Variants in DIS3L2 observed in about 807,000 individuals in gnomAD.
DIS3L2 encodes DIS3 like 3'-5' exoribonuclease 2, also known as DIS3-like exonuclease 2.
Under a neutral mutation model 97.5 loss-of-function variants are expected in DIS3L2, and 34 were observed. That is an observed-to-expected ratio of 0.35 (90% CI 0.27 to 0.46). The LOEUF (loss-of-function observed/expected upper bound fraction) is 0.46. Ranked by LOEUF, DIS3L2 falls within the 20% of genes least tolerant of loss-of-function variation. The pLI is 1.00. For synonymous variants in DIS3L2, 435 were observed against 445.2 expected, an observed-to-expected ratio of 0.98 and a Z score of 0.29; for missense variants, 1,038 against 1,146.0, an observed-to-expected ratio of 0.91 and a Z score of 1.36.
chr2:232,182,011 G>T (rs546159275), intron 9 of DIS3L2, among the ~76,000 whole-genome samples: 23 of 152,212 alleles, frequency 1.5e-4, no homozygotes, highest in African/African-American at 5.3e-4. Flanking sequence ...ACCTAGGGTG[G>T]TCTCGAGCTC....
chr2:232,312,636 A>C (rs1695168462), intron 14 of DIS3L2, among the ~76,000 whole-genome samples: 1 of 152,216 alleles, frequency 6.6e-6, no homozygotes, highest in Non-Finnish European at 1.5e-5. Context: ...ACATACATGC[A>C]CACAAACTTG....
intron 10 of DIS3L2, among the ~76,000 whole-genome samples, chr2:232,233,994 C>T (rs994842874): frequency 1.3e-5 from 2 of 152,132 alleles, no homozygotes; most frequent in Non-Finnish European, 2.9e-5. Context: ...CTTCTGAATC[C>T]AGAGCTGAGA....
chr2:232,001,755 T>C (rs1000786352), intron 1 of DIS3L2, among the ~76,000 whole-genome samples: 1 of 148,542 alleles, frequency 6.7e-6, no homozygotes, highest in Admixed American at 6.7e-5. Context: ...AGTTTTATTC[T>C]TGTCACCCAG....
At chr2:232,182,786 C>G (rs1055598539) in intron 9 of DIS3L2, among the ~76,000 whole-genome samples, 3 of 152,186 alleles carry the variant, frequency 2.0e-5, no homozygotes, top group African/African-American at 4.8e-5. Context: ...CATACACACA[C>G]AGGCACACAC....
At chr2:232,213,822 C>T (rs1409396017) in intron 10 of DIS3L2, among the ~76,000 whole-genome samples, 1 of 152,052 alleles carries the variant, frequency 6.6e-6, no homozygotes, top group Non-Finnish European at 1.5e-5. Context: ...GGACTTGTTA[C>T]CAGTGTCTGT....
intron 14 of DIS3L2, among the ~76,000 whole-genome samples, chr2:232,318,804 G>A (rs772495582): frequency 5.3e-5 from 8 of 152,176 alleles, no homozygotes; most frequent in Non-Finnish European, 1.0e-4. Flanking sequence ...GCAGAGAGCC[G>A]CCTCACCAAG....
At chr2:232,302,920 ATTG>A (rs1164559249) in intron 14 of DIS3L2, among the ~76,000 whole-genome samples, 2 of 150,290 alleles carry the variant, frequency 1.3e-5, no homozygotes, top group African/African-American at 4.8e-5. Context: ...TTAATTATTA[ATTG>A]TTAATTAATT....
intron 6 of DIS3L2, among the ~76,000 whole-genome samples, chr2:232,119,091 C>G (rs1269691802): frequency 6.6e-6 from 1 of 152,042 alleles, no homozygotes; most frequent in East Asian, 1.9e-4. Context: ...GGCTGGATAT[C>G]ATTATTGCTG....
intron 9 of DIS3L2, among the ~76,000 whole-genome samples, chr2:232,205,050 A>T (rs1691991748): frequency 6.6e-6 from 1 of 151,904 alleles, no homozygotes; most frequent in Non-Finnish European, 1.5e-5. Flanking sequence ...GAGCCCTCTG[A>T]GTTTTGCTGT....
chr2:232,277,116 C>G (rs1694162222), intron 13 of DIS3L2, among the ~76,000 whole-genome samples: 1 of 152,144 alleles, frequency 6.6e-6, no homozygotes. Flanking sequence ...CTCATTGCCC[C>G]CTGCAGGGAA....
At chr2:232,048,100 T>C (rs944297787) in intron 5 of DIS3L2, among the ~76,000 whole-genome samples, 3 of 152,220 alleles carry the variant, frequency 2.0e-5, no homozygotes, top group African/African-American at 7.2e-5. Context: ...TATTGGGTCA[T>C]GTGGTGACTC....
At chr2:231,972,216 A>G (rs995613925) in intron 1 of DIS3L2, among the ~76,000 whole-genome samples, 8 of 152,128 alleles carry the variant, frequency 5.3e-5, no homozygotes, top group Non-Finnish European at 7.4e-5. Context: ...AAATAAAAAT[A>G]AAAAATAGGA....
At position 232,333,868 on chromosome 2, in the gene DIS3L2, T is replaced by G; in HGVS notation, c.2039T>G (p.Leu680Arg). The G allele has an allele frequency of 1.2e-6, 2 of 1,612,696 alleles. No homozygotes were observed. The highest frequency in any genetic ancestry group is 1.7e-6 in the Non-Finnish European group (2 of 1,179,830). The change falls in exon 17 of 21, where the codon CTG becomes CGG. Residue 680 changes from leucine (L) to arginine (R), a missense_variant. By Grantham distance (102) the Leu-to-Arg change is moderately radical. This residue lies in a region of DIS3L2 where 813 missense variants were observed against 880.1 expected (regional missense o/e 0.92). Transcript: ENST00000325385. ...QMALYFCSGL[L>R]QDPAQFRHYA... The stretch of plus-strand genomic sequence containing the variant: ...GCACTGTACTTCTGCTCGGGGCTGC[T>G]GCAGGACCCAGCGCAGTTCCGGCAC...
At chr2:232,224,608 G>A (rs913086853) in intron 10 of DIS3L2, among the ~76,000 whole-genome samples, 1 of 152,082 alleles carries the variant, frequency 6.6e-6, no homozygotes, top group Non-Finnish European at 1.5e-5. Flanking sequence ...GAAGGTGCAG[G>A]CAGGTGGATC....
intron 6 of DIS3L2, among the ~76,000 whole-genome samples, chr2:232,092,066 T>G (rs1424118882): frequency 2.0e-5 from 3 of 152,212 alleles, no homozygotes; most frequent in Non-Finnish European, 4.4e-5. Flanking sequence ...TTGATTTGAT[T>G]TTTTATGTGA....
chr2:232,238,514 C>A lies in DIS3L2; in HGVS notation c.1205-19C>A. On this transcript the variant is annotated intron_variant, in intron 10 of 20. Coordinates refer to ENST00000325385, the MANE Select transcript of DIS3L2 (RefSeq NM_152383.5). ...TGGCCTTCCACGCCAGCCTGATAGT[C>A]CTTCTCGTGCATTTACAGGCAACTT... 1 of 1,605,906 alleles carries A rather than the reference C, an allele frequency of 6.2e-7. No homozygotes were observed. Among genetic ancestry groups the A allele is most frequent in the Non-Finnish European group, 8.5e-7 (1 of 1,173,268 alleles).
At chr2:232,119,751 A>C (rs1333295937) in intron 6 of DIS3L2, among the ~76,000 whole-genome samples, 1 of 152,224 alleles carries the variant, frequency 6.6e-6, no homozygotes, top group East Asian at 1.9e-4. Flanking sequence ...GAGGGACTCC[A>C]GTTTGGGCCT....
intron 14 of DIS3L2, 28 bp from the exon 15 acceptor site, chr2:232,329,785 T>TCCCGGGGGCCCCCC: frequency 1.3e-5 from 13 of 967,130 alleles, no homozygotes; most frequent in East Asian, 3.1e-5. Flanking sequence ...ACCCCAGCGG[T>TCCCGGGGGCCCCCC]CCCTCCCATC....
chr2:232,166,071 A>ACAAT (rs1690798084), intron 9 of DIS3L2, among the ~76,000 whole-genome samples: 1 of 93,464 alleles, frequency 1.1e-5, no homozygotes, highest in Non-Finnish European at 2.3e-5. Context: ...CCCTGTCTCT[A>ACAAT]CAATAAATAA....
Sources: gnomAD v4.1 joint callset for allele counts (sites outside exome capture counted in the v4.1 genomes callset) on GRCh38, gnomAD v4.1.1 for gene constraint, gnomAD v4.1.1 regional missense constraint, MANE v1.5 for transcripts, NCBI Gene and HGNC (gene_info 2026-07-23, HGNC 2026-07-21) for gene names.